NFIA: variants seen among roughly 807,000 people sequenced by gnomAD.
The protein encoded by NFIA is nuclear factor 1 A-type.
A neutral mutation model predicts 62.8 loss-of-function variants in NFIA; 8 were observed. The observed-to-expected ratio is 0.13, with a 90% CI of 0.07 to 0.23. The LOEUF (loss-of-function observed/expected upper bound fraction) is 0.23. NFIA is among the 10% of genes least tolerant of loss of function. The probability of loss-of-function intolerance (pLI) is 1.00; values close to 1 mark genes in which losing one functional copy is unlikely to be tolerated. For missense variants in NFIA, 410 were observed against 642.1 expected (o/e 0.64, Z 3.91); for synonymous variants, 235 against 238.1 (o/e 0.99, Z 0.12).
intron 2 of NFIA, among the ~76,000 whole-genome samples, chr1:61,225,258 T>C (rs923547262): frequency 6.9e-6 from 1 of 145,220 alleles, no homozygotes; most frequent in Admixed American, 6.9e-5. Context: ...TCCATAGTAC[T>C]TTTTTTTTTT....
rs1231798270 is a variant in NFIA, at chr1:61,277,595, G to A, written c.625+10G>A. ...GACCAGCCAGAAAATGGTAAGTTTA[G>A]CTTGGGACTCTAGCTGCTGCTTTCA... On this transcript the variant is annotated intron_variant, in intron 3 of 10. Transcript: ENST00000403491. 3.1e-6 allele frequency: 5 copies of A among 1,613,508 alleles called. No individual in the cohort carries two copies. The highest frequency in any genetic ancestry group is 4.2e-6 in the Non-Finnish European group (5 of 1,179,666).
intron 2 of NFIA, among the ~76,000 whole-genome samples, chr1:61,092,946 A>G (rs1053230181): frequency 3.3e-5 from 5 of 152,150 alleles, no homozygotes; most frequent in Non-Finnish European, 1.5e-5. Flanking sequence ...AATGGGAATG[A>G]TTTCTTTTTT....
chr1:61,205,845 T>G (rs1280698545), intron 2 of NFIA, among the ~76,000 whole-genome samples: 1 of 151,778 alleles, frequency 6.6e-6, no homozygotes, highest in Non-Finnish European at 1.5e-5. Flanking sequence ...ATTCACAGTT[T>G]CACAGTAGTC....
chr1:61,232,098 G>C (rs1241763936), intron 2 of NFIA, among the ~76,000 whole-genome samples: 1 of 152,128 alleles, frequency 6.6e-6, no homozygotes, highest in African/African-American at 2.4e-5. Context: ...CATTGGGAAA[G>C]TATAAAGCAA....
At chr1:61,288,388 T>C (rs1327563584) in intron 3 of NFIA, among the ~76,000 whole-genome samples, 1 of 152,212 alleles carries the variant, frequency 6.6e-6, no homozygotes, top group African/African-American at 2.4e-5. Flanking sequence ...TTGCTAGGTA[T>C]GACAAATCTT....
intron 3 of NFIA, among the ~76,000 whole-genome samples, chr1:61,325,167 T>C (rs1441257884): frequency 6.6e-6 from 1 of 152,184 alleles, no homozygotes; most frequent in Non-Finnish European, 1.5e-5. Flanking sequence ...TCTTGGGACC[T>C]TTTGGGAGTG....
rs1466539382 is a variant in NFIA, at chr1:61,225,992, A to G, written c.560-51528A>G. ...TAAAACAGGATTCTGACAGTAATGC[A>G]TGTAATCTAATTCACTAATGTATCA... is the stretch of plus-strand genomic sequence containing the variant. On this transcript the variant is annotated intron_variant, in intron 2 of 10. Transcript: ENST00000403491. Among the ~76,000 whole-genome samples, 4 of 152,356 alleles carry G rather than the reference A, an allele frequency of 2.6e-5. No homozygotes were observed. The East Asian group carries it at 5.8e-4, about 22-fold the overall frequency.
chr1:61,450,767 G>A (rs1260027010), intron 10 of NFIA, among the ~76,000 whole-genome samples: 1 of 152,124 alleles, frequency 6.6e-6, no homozygotes, highest in Non-Finnish European at 1.5e-5. Flanking sequence ...CTGAAAAACA[G>A]ATTCTGCTGC....
At chr1:61,299,437 A>G (rs1175569434) in intron 3 of NFIA, among the ~76,000 whole-genome samples, 1 of 152,156 alleles carries the variant, frequency 6.6e-6, no homozygotes, top group Non-Finnish European at 1.5e-5. Context: ...TTTTAATTTA[A>G]TCTCAATGTC....
chr1:61,170,150 C>T (rs1388727769), intron 2 of NFIA, among the ~76,000 whole-genome samples: 1 of 152,150 alleles, frequency 6.6e-6, no homozygotes, highest in African/African-American at 2.4e-5. Flanking sequence ...TGGAGATCCT[C>T]ATGCATAGAC....
chr1:61,277,600 G>A lies in NFIA; in HGVS notation c.625+15G>A, dbSNP rs1433347707. 1.2e-6 allele frequency: 2 copies of A among 1,613,198 alleles called. No individual in the cohort carries two copies. Among genetic ancestry groups the A allele is most frequent in the Non-Finnish European group, 8.5e-7 (1 of 1,179,354 alleles). On this transcript the variant is annotated intron_variant, in intron 3 of 10. Coordinates refer to ENST00000403491, the MANE Select transcript of NFIA (RefSeq NM_001134673.4). ...GCCAGAAAATGGTAAGTTTAGCTTG[G>A]GACTCTAGCTGCTGCTTTCAGAGTC...
intron 4 of NFIA, among the ~76,000 whole-genome samples, chr1:61,334,929 T>C (rs1247691053): frequency 6.6e-6 from 1 of 152,088 alleles, no homozygotes. Flanking sequence ...CAAGTTTGAG[T>C]AGAACTCTGG....
At chr1:61,437,698 A>C (rs1667392706) in intron 10 of NFIA, among the ~76,000 whole-genome samples, 1 of 152,224 alleles carries the variant, frequency 6.6e-6, no homozygotes, top group East Asian at 1.9e-4. Context: ...AACTCTGGGG[A>C]GAAGCATGGA....
chr1:61,270,579 G>A (rs1657443874), intron 2 of NFIA, among the ~76,000 whole-genome samples: 1 of 152,146 alleles, frequency 6.6e-6, no homozygotes, highest in South Asian at 2.1e-4. Flanking sequence ...TTTATAGTAG[G>A]AAAGAATACA....
chr1:61,316,168 T>C (rs1570567255), intron 3 of NFIA, among the ~76,000 whole-genome samples: 1 of 152,184 alleles, frequency 6.6e-6, no homozygotes, highest in Non-Finnish European at 1.5e-5. Flanking sequence ...AGATAGTAGT[T>C]TAGATATAAC....
At chr1:61,306,257 C>T (rs1272516911) in intron 3 of NFIA, among the ~76,000 whole-genome samples, 7 of 98,766 alleles carry the variant, frequency 7.1e-5, no homozygotes, top group Non-Finnish European at 4.4e-5. Context: ...TCCTGGAGAC[C>T]CAGATTTTGT....
intron 2 of NFIA, among the ~76,000 whole-genome samples, chr1:61,189,569 G>A (rs11207709): frequency 0.1 from 15,780 of 152,106 alleles, 997 homozygotes; most frequent in East Asian, 0.21. Flanking sequence ...GGAGGCTGAG[G>A]CAGGGGAATT....
Position 61,438,382 on chromosome 1 carries a change from G to T in NFIA, c.1512+11826G>T, listed in dbSNP as rs373011884. 3.1e-4 allele frequency among the ~76,000 whole-genome samples: 47 copies of T among 152,304 alleles called. 1 individual carries two copies. In the East Asian group the frequency reaches 6.9e-3, roughly 23 times the overall value. ...AACCTCTGTGAGCACTGGAGGCAGG[G>T]TGCTGCTCATTTATCTTTAGGACAA... is the stretch of plus-strand genomic sequence containing the variant. On this transcript the variant is annotated intron_variant, in intron 10 of 10. Transcript: ENST00000403491.
chr1:61,431,359 TA>T (rs1312491031), intron 10 of NFIA, among the ~76,000 whole-genome samples: 2 of 152,260 alleles, frequency 1.3e-5, no homozygotes, highest in Non-Finnish European at 2.9e-5. Flanking sequence ...ATAAAATGCT[TA>T]ATCTACAGAA....
Sources: gnomAD v4.1 joint callset for allele counts (sites outside exome capture counted in the v4.1 genomes callset) on GRCh38, gnomAD v4.1.1 for gene constraint, MANE v1.5 for transcripts, NCBI Gene and HGNC (gene_info 2026-07-23, HGNC 2026-07-21) for gene names.